The following ZNF609 variants were observed in gnomAD, a reference collection of about 807,000 sequenced individuals.
ZNF609 encodes zinc finger protein 609.
In ZNF609, 11 loss-of-function variants were observed where a neutral mutation model predicts 109.5. The ratio of observed to expected loss-of-function variants is 0.10; its 90% CI spans 0.06 to 0.17. The LOEUF is 0.17. Among genes scored for constraint, ZNF609 ranks in the 10% least tolerant of loss-of-function variants. The pLI is 1.00. For missense variants in ZNF609, 1,559 were observed against 1,772.4 expected (o/e 0.88, Z 2.16); for synonymous variants, 646 against 662.0 (o/e 0.98, Z 0.37).
Position 64,588,442 on chromosome 15 carries a change from A to AAAAAAAAAAAAAAAAAAGAAG in ZNF609, c.748-34383_748-34382insAAAAAAAAAAAAAAAGAAGAA, listed in dbSNP as rs71133451. Among the ~76,000 whole-genome samples, 17 of 75,280 alleles carry AAAAAAAAAAAAAAAAAAGAAG rather than the reference A, an allele frequency of 2.3e-4. 2 individuals carry two copies. The highest frequency in any genetic ancestry group is 6.1e-4 in the African/African-American group (12 of 19,516). 49.4% of individuals were successfully genotyped at this position (75,280 alleles called of 152,430 possible). A position where few individuals can be genotyped will look rare whatever the true frequency, so the allele number is the denominator to read the frequency against. On this transcript the variant is annotated intron_variant, in intron 2 of 9. Transcript: ENST00000326648. ...CACTCTGTCTAAAAAAAAAAAAAAA[A>AAAAAAAAAAAAAAAAAAGAAG]AAGAAGAGGAAGACTGTACAGACTA...
intron 3 of ZNF609, among the ~76,000 whole-genome samples, chr15:64,655,933 T>G (rs1896481929): frequency 6.6e-6 from 1 of 152,102 alleles, no homozygotes; most frequent in African/African-American, 2.4e-5. Flanking sequence ...ATGGAATAAG[T>G]AATTAACTAA....
intron 2 of ZNF609, among the ~76,000 whole-genome samples, chr15:64,605,401 A>T (rs1895578416): frequency 6.6e-6 from 1 of 152,212 alleles, no homozygotes; most frequent in Admixed American, 6.5e-5. Flanking sequence ...CTGTATCTCC[A>T]TGAACCACTA....
intron 2 of ZNF609, among the ~76,000 whole-genome samples, chr15:64,590,929 C>A (rs1431296959): frequency 2.0e-5 from 3 of 151,998 alleles, no homozygotes; most frequent in African/African-American, 7.3e-5. Flanking sequence ...CTGATAATAC[C>A]TTAAAAAGGT....
chr15:64,499,896 G>T lies in ZNF609; in HGVS notation c.477G>T (p.Glu159Asp), dbSNP rs1395493021. The T allele has an allele frequency of 2.5e-6, 4 of 1,614,112 alleles. No homozygotes were observed. The highest frequency in any genetic ancestry group is 3.4e-6 in the Non-Finnish European group (4 of 1,180,016). Reference sequence around the variant, plus strand: ...GCAGTGTAGCCGGTTCCAAAAAGGAGAAGGAGAACAGCTCATCTAAGAGCA... The same window carrying T: ...GCAGTGTAGCCGGTTCCAAAAAGGATAAGGAGAACAGCTCATCTAAGAGCA... Reference protein sequence around the residue: ...ASRSVAGSKKEKENSSSKSKK... With the variant: ...ASRSVAGSKKDKENSSSKSKK... Residue 159 changes from glutamate (E) to aspartate (D), a missense_variant, in exon 2 of 10, where the codon GAG becomes GAT. Coordinates refer to ENST00000326648, the MANE Select transcript of ZNF609 (RefSeq NM_015042.2).
intron 2 of ZNF609, among the ~76,000 whole-genome samples, chr15:64,621,516 C>G (rs1895876990): frequency 6.6e-6 from 1 of 152,016 alleles, no homozygotes. Flanking sequence ...CACACAGATA[C>G]CTTTTTTATT....
At chr15:64,489,754 C>T (rs904877541) in intron 1 of ZNF609, among the ~76,000 whole-genome samples, 3 of 151,632 alleles carry the variant, frequency 2.0e-5, no homozygotes, top group African/African-American at 7.3e-5. Context: ...TCTTGAACTC[C>T]TGACCTCAGG....
intron 2 of ZNF609, among the ~76,000 whole-genome samples, chr15:64,611,233 A>G (rs1019310177): frequency 2.6e-5 from 4 of 152,176 alleles, no homozygotes; most frequent in African/African-American, 9.7e-5. Flanking sequence ...TATGGTAAAC[A>G]TACAGTCAGC....
chr15:64,534,747 T>C lies in ZNF609; in HGVS notation c.747+34581T>C, dbSNP rs534068229. ...AAATTTTGTTATATAAAAACTGTTA[T>C]TTAGGCCCGGTGCAGTGGCTCACAC... On this transcript the variant is annotated intron_variant, in intron 2 of 9. Coordinates refer to ENST00000326648, the MANE Select transcript of ZNF609 (RefSeq NM_015042.2). Among the ~76,000 whole-genome samples the C allele has an allele frequency of 9.2e-5, 14 of 152,204 alleles. 1 individual carries two copies. The highest frequency in any genetic ancestry group is 5.9e-4 in the Admixed American group (9 of 15,278).
intron 2 of ZNF609, among the ~76,000 whole-genome samples, chr15:64,604,806 A>AATTTAATTT (rs1895567423): frequency 6.6e-6 from 1 of 151,966 alleles, no homozygotes; most frequent in African/African-American, 2.4e-5. Flanking sequence ...TATTTAATTT[A>AATTTAATTT]ATTTATTTAG....
intron 1 of ZNF609, among the ~76,000 whole-genome samples, chr15:64,468,248 C>T (rs189449069): frequency 4.5e-4 from 67 of 150,344 alleles, no homozygotes; most frequent in South Asian, 3.0e-3. Flanking sequence ...TTCCTCCTTT[C>T]CTTTCCTTTC....
chr15:64,619,120 C>T (rs1006655771), intron 2 of ZNF609, among the ~76,000 whole-genome samples: 1 of 152,178 alleles, frequency 6.6e-6, no homozygotes, highest in Admixed American at 6.5e-5. Context: ...GCTAGGACTG[C>T]AGGTGTGTGC....
At chr15:64,503,580 C>A (rs969708413) in intron 2 of ZNF609, among the ~76,000 whole-genome samples, 1 of 152,158 alleles carries the variant, frequency 6.6e-6, no homozygotes, top group African/African-American at 2.4e-5. Flanking sequence ...TCAGGGCTTA[C>A]GACCAGGAGT....
intron 2 of ZNF609, among the ~76,000 whole-genome samples, chr15:64,606,296 G>T (rs905520904): frequency 2.0e-5 from 3 of 151,474 alleles, no homozygotes; most frequent in African/African-American, 7.3e-5. Flanking sequence ...TGTAGGCCGG[G>T]CGCGGTGGCT....
At chr15:64,677,200 A>G (rs1896821085) in intron 5 of ZNF609, among the ~76,000 whole-genome samples, 1 of 152,088 alleles carries the variant, frequency 6.6e-6, no homozygotes, top group Non-Finnish European at 1.5e-5. Flanking sequence ...ATTAACCAGG[A>G]CTACAGATGC....
At chr15:64,522,542 T>C (rs550320912) in intron 2 of ZNF609, among the ~76,000 whole-genome samples, 69 of 152,336 alleles carry the variant, frequency 4.5e-4, no homozygotes, top group African/African-American at 1.6e-3. Flanking sequence ...TTATAACTTA[T>C]CTCAAACCAA....
At chr15:64,583,974 G>A (rs1456370890) in intron 2 of ZNF609, among the ~76,000 whole-genome samples, 1 of 152,046 alleles carries the variant, frequency 6.6e-6, no homozygotes, top group Admixed American at 6.6e-5. Flanking sequence ...CTAGGTTAAC[G>A]TTTATCCATC....
intron 2 of ZNF609, among the ~76,000 whole-genome samples, chr15:64,620,639 G>A (rs1895861649): frequency 6.6e-6 from 1 of 152,198 alleles, no homozygotes; most frequent in Non-Finnish European, 1.5e-5. Context: ...TGGAGTTGGG[G>A]AAGTACAAGG....
chr15:64,649,322 A>AC (rs970328635), intron 3 of ZNF609, among the ~76,000 whole-genome samples: 3 of 151,414 alleles, frequency 2.0e-5, no homozygotes, highest in South Asian at 2.1e-4. Flanking sequence ...CTCCTTTTCC[A>AC]CCCCCCAACA....
intron 2 of ZNF609, among the ~76,000 whole-genome samples, chr15:64,588,775 A>T (rs1256171714): frequency 6.6e-6 from 1 of 151,624 alleles, no homozygotes; most frequent in Non-Finnish European, 1.5e-5. Flanking sequence ...AGTAGCTGGG[A>T]TTACAGGCAT....
Sources: allele counts gnomAD v4.1 joint callset (sites outside exome capture counted in the v4.1 genomes callset), GRCh38; gene constraint gnomAD v4.1.1; transcripts MANE v1.5; gene names NCBI Gene and HGNC (gene_info 2026-07-23, HGNC 2026-07-21).